ELK3: variants seen among roughly 807,000 people sequenced by gnomAD.
The protein encoded by ELK3 is ETS domain-containing protein Elk-3.
Under a neutral mutation model 28.9 loss-of-function variants are expected in ELK3, and 10 were observed. The ratio of observed to expected loss-of-function variants is 0.35; its 90% CI spans 0.21 to 0.59. The LOEUF is 0.59. ELK3 is among the 20% of genes least tolerant of loss of function. The pLI is 0.82. For missense variants in ELK3, 463 were observed against 517.3 expected (o/e 0.90, Z 1.02); for synonymous variants, 272 against 243.5 (o/e 1.12, Z -1.09).
At position 96,247,698 on chromosome 12, in the gene ELK3, C is replaced by T. The variant is rs772578260; in HGVS notation, c.966C>T (p.Pro322=). The T allele has an allele frequency of 1.9e-6, 3 of 1,602,420 alleles. No homozygotes were observed. The highest frequency in any genetic ancestry group is 2.6e-6 in the Non-Finnish European group (3 of 1,174,854). ...GSIALNSPAL[P]SGSLTPAFFT... ...TCGCCCTCAACAGCCCAGCCCTCCC[C>T]TCGGGATCCCTCACCCCAGCCTTCT... is the stretch of plus-strand genomic sequence containing the variant. Residue 322 remains proline, a synonymous_variant, in exon 3 of 5, where the codon CCC becomes CCT. Transcript: ENST00000228741. This position sits in a 1 kb window ranked among gnomAD's most constrained non-coding sequence, Gnocchi z 5.5.
chr12:96,259,891 C>T, intron 4 of ELK3, 38 bp downstream of exon 4: 1 of 1,544,616 alleles, frequency 6.5e-7, no homozygotes, highest in Non-Finnish European at 8.7e-7. Flanking sequence ...CATTAAGCTT[C>T]TGAGGGATGG....
At chr12:96,218,127 G>A (rs554413736) in intron 1 of ELK3, among the ~76,000 whole-genome samples, 72 of 152,224 alleles carry the variant, frequency 4.7e-4, no homozygotes, top group African/African-American at 1.0e-3. Flanking sequence ...GTAACAGGTG[G>A]TTTTGCCCTC....
chr12:96,215,544 ATCTT>A (rs1459411103), intron 1 of ELK3, among the ~76,000 whole-genome samples: 3 of 152,036 alleles, frequency 2.0e-5, no homozygotes, highest in South Asian at 2.1e-4. Flanking sequence ...TGTCAATAGC[ATCTT>A]TCTTTTTGAG....
At chr12:96,236,915 C>T (rs1025042165) in intron 2 of ELK3, among the ~76,000 whole-genome samples, 1 of 152,178 alleles carries the variant, frequency 6.6e-6, no homozygotes, top group Non-Finnish European at 1.5e-5. Flanking sequence ...AAAAATCCCC[C>T]CTTCCTCTTC....
Position 96,247,533 on chromosome 12 carries a change from C to T in ELK3, c.801C>T (p.Asp267=), listed in dbSNP as rs758544016. The change falls in exon 3 of 5, where the codon GAC becomes GAT. Residue 267 remains aspartate, a synonymous_variant. Transcript: ENST00000228741. This position sits in a 1 kb window ranked among gnomAD's most constrained non-coding sequence, Gnocchi z 5.5. ...TCTTCCTGGAGGCCGCCTGCCATGA[C>T]TCCGATTCCCTGGAGCCCTTGAACC... is the stretch of plus-strand genomic sequence containing the variant. ...RSLFLEAACH[D]SDSLEPLNLS... 1.2e-6 allele frequency: 2 copies of T among 1,614,170 alleles called. No individual in the cohort carries two copies. Among genetic ancestry groups the T allele is most frequent in the Non-Finnish European group, 1.7e-6 (2 of 1,180,038 alleles).
At chr12:96,240,417 T>A (rs1194767717) in intron 2 of ELK3, among the ~76,000 whole-genome samples, 1 of 152,188 alleles carries the variant, frequency 6.6e-6, no homozygotes, top group Non-Finnish European at 1.5e-5. Flanking sequence ...GGCGTTCTGA[T>A]AGAAGCTGTA....
Position 96,247,446 on chromosome 12 carries a change from C to T in ELK3, c.714C>T (p.Pro238=), listed in dbSNP as rs887835637. ...CTGCCAGTATTTCATCCGCCTCACC[C>T]TTCTCATCTCGGTCCCCGTCCCTGT... ...PNAASISSAS[P]FSSRSPSLSP... Residue 238 remains proline (P), a synonymous_variant, in exon 3 of 5, where the codon CCC becomes CCT. Transcript: ENST00000228741. The surrounding 1 kb of genome is among the most constrained non-coding windows in gnomAD (Gnocchi z 5.5). The T allele has an allele frequency of 1.2e-6, 2 of 1,614,184 alleles. No homozygotes were observed. The highest frequency in any genetic ancestry group is 1.3e-5 in the African/African-American group (1 of 75,042).
intron 2 of ELK3, among the ~76,000 whole-genome samples, chr12:96,245,724 A>G (rs931874674): frequency 2.0e-4 from 30 of 152,312 alleles, no homozygotes; most frequent in African/African-American, 7.0e-4. Flanking sequence ...AGGGCAAGGC[A>G]CACGCAAGCA....
chr12:96,201,580 CAAAAA>C (rs11298632), intron 1 of ELK3, among the ~76,000 whole-genome samples: 2 of 82,922 alleles, frequency 2.4e-5, no homozygotes, highest in Non-Finnish European at 2.4e-5. Flanking sequence ...AACCCTGTCT[CAAAAA>C]AAAAAAAAAA....
chr12:96,220,315 A>T (rs923952179), intron 1 of ELK3, among the ~76,000 whole-genome samples: 1 of 150,294 alleles, frequency 6.7e-6, no homozygotes, highest in African/African-American at 2.5e-5. Context: ...CACTTAGCCC[A>T]TGTGTGGCCT....
At chr12:96,207,059 A>G (rs781024834) in intron 1 of ELK3, among the ~76,000 whole-genome samples, 1 of 152,234 alleles carries the variant, frequency 6.6e-6, no homozygotes, top group East Asian at 1.9e-4. Flanking sequence ...TTTTGGAAAT[A>G]ACAGTACCCA....
chr12:96,244,289 A>G (rs1400060207), intron 2 of ELK3, among the ~76,000 whole-genome samples: 1 of 152,114 alleles, frequency 6.6e-6, no homozygotes, highest in Non-Finnish European at 1.5e-5. Flanking sequence ...CAGCAAGGCC[A>G]TATGATCTGT....
chr12:96,222,299 GAA>G (rs1951667675), intron 1 of ELK3, among the ~76,000 whole-genome samples: 1 of 152,224 alleles, frequency 6.6e-6, no homozygotes, highest in South Asian at 2.1e-4. Context: ...CAATGGATGA[GAA>G]AGAGTTCACC....
intron 2 of ELK3, among the ~76,000 whole-genome samples, chr12:96,231,353 C>G (rs146281362): frequency 2.2e-4 from 33 of 152,286 alleles, no homozygotes; most frequent in African/African-American, 7.2e-4. Flanking sequence ...ACAGATGGAC[C>G]CTTCATCTTA....
rs570812668 is a variant in ELK3 at position 96,197,849 on chromosome 12, A to AT, written c.-3+3145dup. On this transcript the variant is annotated intron_variant, in intron 1 of 4. Transcript: ENST00000228741. ...ATACAGTACATGTAACTCTGAGGTC[A>AT]TATATTAAAATTTATATTTGTAATA... Among the ~76,000 whole-genome samples the AT allele has an allele frequency of 2.1e-3, 320 of 152,380 alleles. 3 individuals are homozygous for AT. Among genetic ancestry groups the AT allele is most frequent in the African/African-American group, 7.3e-3 (304 of 41,580 alleles).
At chr12:96,224,405 A>G (rs896546730) in intron 2 of ELK3, among the ~76,000 whole-genome samples, 15 of 152,104 alleles carry the variant, frequency 9.9e-5, no homozygotes, top group African/African-American at 3.4e-4. Flanking sequence ...CACTGCTAAT[A>G]GGAGTAGGAA....
rs1169220892 is a variant in ELK3, at chr12:96,223,946, C to G, written c.207+173C>G. The stretch of plus-strand genomic sequence containing the variant: ...GTGCTGTAGGGATTTTCCCCACCCT[C>G]TGGACGCCCTTTGGATATTACTGAG... On this transcript the variant is annotated intron_variant, in intron 2 of 4. Coordinates refer to ENST00000228741, the MANE Select transcript of ELK3 (RefSeq NM_005230.4). The G allele has an allele frequency of 6.3e-5, 42 of 671,884 alleles. No individual in the cohort carries two copies. In the East Asian group the frequency reaches 1.1e-3, roughly 17 times the overall value. The allele number at this position is 671,884 out of a possible 1,614,324, so 41.6% of individuals were successfully genotyped here. A position where few individuals can be genotyped will look rare whatever the true frequency, so the allele number is the denominator to read the frequency against.
chr12:96,248,128 TAAGG>T (rs1951873893), intron 3 of ELK3, among the ~76,000 whole-genome samples: 1 of 152,198 alleles, frequency 6.6e-6, no homozygotes, highest in Non-Finnish European at 1.5e-5. Flanking sequence ...GGGCGCTTAA[TAAGG>T]AGCCACTTGT....
intron 3 of ELK3, among the ~76,000 whole-genome samples, chr12:96,248,090 GA>G (rs1332530378): frequency 6.6e-6 from 1 of 152,218 alleles, no homozygotes; most frequent in Admixed American, 6.5e-5. Flanking sequence ...TGGGCTTTAT[GA>G]AATTTTTATG....
Sources: gnomAD v4.1 joint callset for allele counts (sites outside exome capture counted in the v4.1 genomes callset) on GRCh38, gnomAD v4.1.1 for gene constraint, Gnocchi (gnomAD v3.1) non-coding constraint, MANE v1.5 for transcripts, NCBI Gene and HGNC (gene_info 2026-07-23, HGNC 2026-07-21) for gene names.